The following BUB3 variants were observed in gnomAD, a reference collection of about 807,000 sequenced individuals.
BUB3 encodes the protein BUB3 mitotic checkpoint protein, also known as mitotic checkpoint protein BUB3.
Under a neutral mutation model 39.9 loss-of-function variants are expected in BUB3, and 22 were observed. The ratio of observed to expected loss-of-function variants is 0.55; its 90% confidence interval spans 0.39 to 0.79. The LOEUF is 0.79. Among genes scored for constraint, BUB3 ranks in the 30% least tolerant of loss-of-function variants. The pLI is 0.00. For missense variants in BUB3, 303 were observed against 415.4 expected (o/e 0.73, Z 2.35); for synonymous variants, 168 against 155.1 (o/e 1.08, Z -0.62).
intron 6 of BUB3, 30 bp downstream of exon 6, chr10:123,162,443 A>G (rs1300917249): frequency 2.5e-6 from 4 of 1,601,994 alleles, no homozygotes; most frequent in Non-Finnish European, 3.4e-6. Flanking sequence ...CCTATATTTA[A>G]TTATTATACT....
At chr10:123,156,900 T>C (rs1414596854) in intron 3 of BUB3, among the ~76,000 whole-genome samples, 1 of 152,050 alleles carries the variant, frequency 6.6e-6, no homozygotes, top group African/African-American at 2.4e-5. Context: ...TGCGCCACCA[T>C]GCTCGGCTAA....
At position 123,155,720 on chromosome 10, in the gene BUB3, T is replaced by C; in HGVS notation, c.258T>C (p.Thr86=). Residue 86 remains threonine (T), a synonymous_variant, in exon 3 of 8, where the codon ACT becomes ACC. Transcript: ENST00000368865. ...AATTGAAAATGCATGATTTGAACACTGATCAAGGTAATGTGACCATATCTT... is the reference window on the plus strand; with the variant it reads ...AATTGAAAATGCATGATTTGAACACCGATCAAGGTAATGTGACCATATCTT... ...DHQLKMHDLN[T]DQENLVGTHD... is the part of the protein sequence containing the mutation. The C allele has an allele frequency of 2.5e-6, 4 of 1,613,858 alleles. No homozygotes were observed. Among genetic ancestry groups the C allele is most frequent in the Non-Finnish European group, 3.4e-6 (4 of 1,179,722 alleles).
At position 123,168,724 on chromosome 10, in the gene BUB3, AT is replaced by A. The variant is rs939242101; in HGVS notation, c.*4892del. On this transcript the variant is annotated 3_prime_UTR_variant, in exon 8 of 8. Coordinates refer to ENST00000368865, the MANE Select transcript of BUB3 (RefSeq NM_004725.4). ...GCCATCACGCCCGGCTAATTTTTGT[AT>A]TTCTTTTAGTAGAGACCGGGTTTCA... The A allele has an allele frequency of 1.1e-4, 16 of 151,788 alleles. No individual in the cohort carries two copies. Among genetic ancestry groups the A allele is most frequent in the Non-Finnish European group, 1.8e-4 (12 of 67,952 alleles). 9.4% of individuals were successfully genotyped at this position (151,788 alleles called of 1,614,324 possible).
intron 3 of BUB3, 98 bp from the exon 4 acceptor site, chr10:123,157,631 G>A: frequency 4.4e-6 from 6 of 1,377,814 alleles, no homozygotes; most frequent in Non-Finnish European, 5.9e-6. Context: ...ATTCATTACA[G>A]TTGAATGAAT....
At chr10:123,163,698 C>A in intron 7 of BUB3, 122 bp from the exon 8 acceptor site, 1 of 834,040 alleles carries the variant, frequency 1.2e-6, no homozygotes. Context: ...TTAGAAAAGT[C>A]TTAGCATGTG....
Position 123,162,742 on chromosome 10 carries a change from A to G in BUB3, c.885A>G (p.Ser295=). The part of the protein sequence containing the change: ...SNDGTTLAIA[S]SYMYEMDDTE... ...ATGGGACTACGCTTGCAATAGCGTC[A>G]TCATATATGTATGAAATGGATGACA... The change falls in exon 7 of 8, where the codon TCA becomes TCG. Residue 295 remains serine (S), a synonymous_variant. Transcript: ENST00000368865. The G allele has an allele frequency of 3.7e-6, 6 of 1,614,020 alleles. No homozygotes were observed. The highest frequency in any genetic ancestry group is 5.1e-6 in the Non-Finnish European group (6 of 1,179,934).
intron 1 of BUB3, 107 bp from the exon 2 acceptor site, chr10:123,154,811 C>CG (rs1176786831): frequency 2.2e-5 from 27 of 1,217,222 alleles, no homozygotes; most frequent in Admixed American, 9.6e-5. Context: ...AGTCTCCTCG[C>CG]GGTCGTCCTC....
chr10:123,161,043 T>TC (rs397733376), intron 5 of BUB3, among the ~76,000 whole-genome samples: 2 of 152,116 alleles, frequency 1.3e-5, no homozygotes, highest in Non-Finnish European at 2.9e-5. Flanking sequence ...TTTTTTTTTT[T>TC]CTTAAACTCA....
At chr10:123,163,727 G>T in intron 7 of BUB3, 93 bp from the exon 8 acceptor site, 1 of 1,126,528 alleles carries the variant, frequency 8.9e-7, no homozygotes, top group Non-Finnish European at 1.3e-6. Context: ...TGGATAAAGG[G>T]CTGTGTTTGC....
At chr10:123,159,345 A>G (rs1387778869) in intron 4 of BUB3, among the ~76,000 whole-genome samples, 6 of 152,348 alleles carry the variant, frequency 3.9e-5, no homozygotes, top group African/African-American at 1.4e-4. Flanking sequence ...TGAATGTTGA[A>G]GAGACATCAT....
At chr10:123,161,886 A>G (rs955385191) in intron 5 of BUB3, among the ~76,000 whole-genome samples, 4 of 152,232 alleles carry the variant, frequency 2.6e-5, no homozygotes, top group Admixed American at 1.3e-4. Flanking sequence ...GGCACAGAAC[A>G]TAGAAGAATA....
rs535821855 is a variant in BUB3 at position 123,169,091 on chromosome 10, G to T, written c.*5256G>T. The T allele has an allele frequency of 6.6e-6, 1 of 152,272 alleles. No homozygotes were observed. The highest frequency in any genetic ancestry group is 1.5e-5 in the Non-Finnish European group (1 of 68,070). The allele number at this position is 152,272 out of a possible 1,614,324, so 9.4% of individuals were successfully genotyped here. A position where few individuals can be genotyped will look rare whatever the true frequency, so the allele number is the denominator to read the frequency against. On this transcript the variant is annotated 3_prime_UTR_variant, in exon 8 of 8. Transcript: ENST00000368865. ...AATTTGCACCCCCAGGTATCATGTGGGCAGGTGCTCCATGTGGCTGGTGAT... is the reference window on the plus strand; with the variant it reads ...AATTTGCACCCCCAGGTATCATGTGTGCAGGTGCTCCATGTGGCTGGTGAT...
In BUB3 at chr10:123,164,022, A is replaced by T. The variant is rs1024869523; in HGVS notation, c.*187A>T. 1.6e-6 allele frequency: 2 copies of T among 1,283,544 alleles called. No homozygotes were observed. Among genetic ancestry groups the T allele is most frequent in the Admixed American group, 8.1e-5 (2 of 24,560 alleles). The allele number at this position is 1,283,544 out of a possible 1,614,324, so 79.5% of individuals were successfully genotyped here. ...ATAAACACCTTCTTAAGTGCATGAG[A>T]TGGTTTGATGGTTTGCTGCATTAAA... On this transcript the variant is annotated 3_prime_UTR_variant, in exon 8 of 8. Coordinates refer to ENST00000368865, the MANE Select transcript of BUB3 (RefSeq NM_004725.4).
rs1178492421 is a variant in BUB3 at position 123,168,939 on chromosome 10, A to G, written c.*5104A>G. The G allele has an allele frequency of 2.0e-5, 3 of 152,426 alleles. No homozygotes were observed. Among genetic ancestry groups the G allele is most frequent in the Non-Finnish European group, 4.4e-5 (3 of 68,122 alleles). The allele number at this position is 152,426 out of a possible 1,614,324, so 9.4% of individuals were successfully genotyped here. On this transcript the variant is annotated 3_prime_UTR_variant, in exon 8 of 8. Transcript: ENST00000368865. ...ACAATTCTTCCAGTGTGGACCAGGAAAGCCAAAAGATTGGACACCCCTGCC... is the reference window on the plus strand; with the variant it reads ...ACAATTCTTCCAGTGTGGACCAGGAGAGCCAAAAGATTGGACACCCCTGCC...
intron 2 of BUB3, 31 bp from the exon 3 acceptor site, chr10:123,155,627 A>G (rs746539134): frequency 3.8e-6 from 6 of 1,598,322 alleles, no homozygotes; most frequent in East Asian, 4.5e-5. Flanking sequence ...CAAAAGTTCT[A>G]GTTTTTAAAC....
In BUB3 at chr10:123,164,507, A is replaced by G; in HGVS notation, c.*672A>G. 1 of 985,846 alleles carries G rather than the reference A, an allele frequency of 1.0e-6. No individual in the cohort carries two copies. The highest frequency in any genetic ancestry group is 1.2e-6 in the Non-Finnish European group (1 of 830,214). 61.1% of individuals were successfully genotyped at this position (985,846 alleles called of 1,614,324 possible). On this transcript the variant is annotated 3_prime_UTR_variant, in exon 8 of 8. Transcript: ENST00000368865. ...TATTTATTAGCAAACAATTGATCCC[A>G]GAAGGGCAAATTGTTTGAGTCAGTA...
chr10:123,164,452 T>A lies in BUB3; in HGVS notation c.*617T>A. On this transcript the variant is annotated 3_prime_UTR_variant, in exon 8 of 8. Transcript: ENST00000368865. ...CAGAAGGAAAACTAATAAGAAAACC[T>A]CCTAATATCATTTTGTGACTGTAAA... is the stretch of plus-strand genomic sequence containing the variant. The A allele has an allele frequency of 1.0e-6, 1 of 985,630 alleles. No individual in the cohort carries two copies. Among genetic ancestry groups the A allele is most frequent in the Non-Finnish European group, 1.2e-6 (1 of 830,102 alleles). The allele number at this position is 985,630 out of a possible 1,614,324, so 61.1% of individuals were successfully genotyped here.
At chr10:123,158,151 A>T (rs1844374178) in intron 4 of BUB3, among the ~76,000 whole-genome samples, 1 of 152,026 alleles carries the variant, frequency 6.6e-6, no homozygotes, top group African/African-American at 2.4e-5. Flanking sequence ...TTGAGAAGCA[A>T]CTCACTGCCT....
intron 3 of BUB3, among the ~76,000 whole-genome samples, chr10:123,157,261 T>C (rs1458957356): frequency 1.3e-5 from 2 of 152,238 alleles, no homozygotes; most frequent in Non-Finnish European, 2.9e-5. Flanking sequence ...CTTAGCAGCA[T>C]TGGCTTAATG....
Sources: gnomAD v4.1 joint callset for allele counts (sites outside exome capture counted in the v4.1 genomes callset) on GRCh38, gnomAD v4.1.1 for gene constraint, MANE v1.5 for transcripts, NCBI Gene and HGNC (gene_info 2026-07-23, HGNC 2026-07-21) for gene names.